The following KCNC2 variants were observed in gnomAD, a reference collection of about 807,000 sequenced individuals.
KCNC2 encodes the protein potassium voltage-gated channel subfamily C member 2, also known as voltage-gated potassium channel KCNC2.
A neutral mutation model predicts 44.5 loss-of-function variants in KCNC2; 21 were observed. That is an observed-to-expected ratio of 0.47 (90% CI 0.33 to 0.68). The LOEUF is 0.68. Among genes scored for constraint, KCNC2 ranks in the 30% least tolerant of loss-of-function variants. The probability of loss-of-function intolerance (pLI) is 0.01; values close to 1 mark genes in which losing one functional copy is unlikely to be tolerated. For missense variants in KCNC2, 589 were observed against 826.2 expected (o/e 0.71, Z 3.52); for synonymous variants, 391 against 339.1 (o/e 1.15, Z -1.68).
intron 2 of KCNC2, among the ~76,000 whole-genome samples, chr12:75,073,331 T>G (rs1883604293): frequency 1.3e-5 from 2 of 152,192 alleles, no homozygotes; most frequent in African/African-American, 4.8e-5. Flanking sequence ...TTTTGATTGT[T>G]AAGTGGGAAA....
At position 75,154,207 on chromosome 12, in the gene KCNC2, C is replaced by G. The variant is rs1363094923; in HGVS notation, c.687+53090G>C. Among the ~76,000 whole-genome samples, 4 of 152,078 alleles carry G rather than the reference C, an allele frequency of 2.6e-5. No homozygotes were observed. The East Asian group carries it at 5.8e-4, about 22-fold the overall frequency. ...AGTAGATGACCCCTAGGGGGTCCCT[C>G]CTGTCTCTGATATTTATTTATTTAG... On this transcript the variant is annotated intron_variant, in intron 2 of 4. Transcript: ENST00000549446.
chr12:75,104,913 A>C (rs961325279), intron 2 of KCNC2, among the ~76,000 whole-genome samples: 8 of 152,112 alleles, frequency 5.3e-5, no homozygotes, highest in Non-Finnish European at 1.2e-4. Context: ...TATTAGTGGC[A>C]ATTATATCAG....
At chr12:75,117,376 T>C (rs1398601214) in intron 2 of KCNC2, among the ~76,000 whole-genome samples, 1 of 152,216 alleles carries the variant, frequency 6.6e-6, no homozygotes, top group East Asian at 1.9e-4. Flanking sequence ...ACAATTTACA[T>C]AAATTTTCTA....
rs777226039 is a variant in KCNC2 at position 75,051,107 on chromosome 12, G to A, written c.898C>T (p.Arg300Cys). The change falls in exon 3 of 5, where the codon CGT becomes TGT. Residue 300 changes from arginine (R) to cysteine (C), a missense_variant. Physicochemically the swap from Arg to Cys is radical, Grantham distance 180 (BLOSUM62 -3). Coordinates refer to ENST00000549446, the MANE Select transcript of KCNC2 (RefSeq NM_139137.4). ...AGTTTATTGGGTGAAAAAACAATAC[G>A]GACTAAAAATTCAAAAGTAAACCAC... Reference protein sequence around the residue: ...VVWFTFEFLVRIVFSPNKLEF... With the variant: ...VVWFTFEFLVCIVFSPNKLEF... 4.3e-6 allele frequency: 7 copies of A among 1,612,940 alleles called. No individual in the cohort carries two copies. Among genetic ancestry groups the A allele is most frequent in the African/African-American group, 2.7e-5 (2 of 74,802 alleles).
At chr12:75,169,269 T>G (rs1010287967) in intron 2 of KCNC2, among the ~76,000 whole-genome samples, 1 of 151,518 alleles carries the variant, frequency 6.6e-6, no homozygotes, top group Non-Finnish European at 1.5e-5. Context: ...TAATGAGCAT[T>G]GAACAAAAAC....
chr12:75,184,273 T>G (rs576084614), intron 2 of KCNC2, among the ~76,000 whole-genome samples: 2 of 152,272 alleles, frequency 1.3e-5, no homozygotes, highest in East Asian at 3.9e-4. Context: ...ACAAATTAAT[T>G]TTGACAATTA....
intron 2 of KCNC2, among the ~76,000 whole-genome samples, chr12:75,090,778 T>A (rs1050959548): frequency 2.0e-5 from 3 of 146,952 alleles, no homozygotes; most frequent in African/African-American, 7.3e-5. Context: ...ATCATCATTA[T>A]CATCATCCTC....
At chr12:75,137,510 A>G (rs1592946788) in intron 2 of KCNC2, among the ~76,000 whole-genome samples, 1 of 152,228 alleles carries the variant, frequency 6.6e-6, no homozygotes, top group East Asian at 1.9e-4. Flanking sequence ...TTTTTAAAAA[A>G]CAAAATGGTT....
intron 2 of KCNC2, among the ~76,000 whole-genome samples, chr12:75,162,340 T>C (rs1293223055): frequency 6.6e-6 from 1 of 151,750 alleles, no homozygotes. Flanking sequence ...GCTTTTTAAG[T>C]GTTTCTAAAT....
At chr12:75,127,846 A>G (rs1888546037) in intron 2 of KCNC2, among the ~76,000 whole-genome samples, 1 of 152,206 alleles carries the variant, frequency 6.6e-6, no homozygotes, top group African/African-American at 2.4e-5. Flanking sequence ...AATATCTAGT[A>G]ATGTAACAGG....
chr12:75,127,143 T>C (rs1449563080), intron 2 of KCNC2, among the ~76,000 whole-genome samples: 1 of 152,180 alleles, frequency 6.6e-6, no homozygotes, highest in Admixed American at 6.5e-5. Flanking sequence ...AATAACAGAA[T>C]ACAGTCTGTA....
intron 2 of KCNC2, among the ~76,000 whole-genome samples, chr12:75,118,719 C>T (rs752802408): frequency 1.3e-5 from 2 of 152,148 alleles, no homozygotes; most frequent in Non-Finnish European, 2.9e-5. Flanking sequence ...CTTTAGAAAA[C>T]TTAATGCAGC....
chr12:75,163,524 T>A (rs1016786559), intron 2 of KCNC2, among the ~76,000 whole-genome samples: 2 of 151,760 alleles, frequency 1.3e-5, no homozygotes, highest in Admixed American at 6.6e-5. Flanking sequence ...TAAAGACTGC[T>A]AAGCACTAAA....
chr12:75,161,789 G>GA (rs1891142328), intron 2 of KCNC2, among the ~76,000 whole-genome samples: 2 of 151,490 alleles, frequency 1.3e-5, no homozygotes, highest in South Asian at 2.1e-4. Context: ...TTCTCACTAA[G>GA]AAAAAACAGC....
rs144568661 is a variant in KCNC2 at position 75,080,096 on chromosome 12, T to C, written c.688-28779A>G. On this transcript the variant is annotated intron_variant, in intron 2 of 4. Coordinates refer to ENST00000549446, the MANE Select transcript of KCNC2 (RefSeq NM_139137.4). ...TACAGAAAAATTTTATTTTTTTAAC[T>C]TCAAAATATATTGTCTTTTTTCTTC... Among the ~76,000 whole-genome samples, 4 of 152,264 alleles carry C rather than the reference T, an allele frequency of 2.6e-5. No individual in the cohort carries two copies. In the East Asian group the frequency reaches 7.7e-4, roughly 29 times the overall value.
chr12:75,180,653 T>C (rs1892512027), intron 2 of KCNC2, among the ~76,000 whole-genome samples: 1 of 151,788 alleles, frequency 6.6e-6, no homozygotes, highest in Non-Finnish European at 1.5e-5. Flanking sequence ...AAGTATTCCA[T>C]TTAGTAATAT....
intron 2 of KCNC2, among the ~76,000 whole-genome samples, chr12:75,165,522 T>C (rs1338119174): frequency 1.3e-5 from 2 of 151,450 alleles, no homozygotes; most frequent in Non-Finnish European, 3.0e-5. Flanking sequence ...TACTGATAAA[T>C]TTAGTTTCTT....
rs753790441 is a variant in KCNC2, at chr12:75,207,377, C to T, written c.607G>A (p.Gly203Ser). 3 of 1,579,058 alleles carry T rather than the reference C, an allele frequency of 1.9e-6. No individual in the cohort carries two copies. Among genetic ancestry groups the T allele is most frequent in the South Asian group, 1.2e-5 (1 of 86,868 alleles). Residue 203 changes from glycine (G) to serine (S), a missense_variant, in exon 2 of 5, where the codon GGC becomes AGC. Physicochemically the swap from Gly to Ser is moderately conservative, Grantham distance 56. Around this residue, in one of 7 missense-constraint regions of KCNC2, gnomAD observed 97 missense variants for 73.3 expected, o/e 1.32. Transcript: ENST00000549446. This position sits in a 1 kb window ranked among gnomAD's most constrained non-coding sequence, Gnocchi z 4.1. ...AGCCTCCTCCAGCGGCCAGATTTGC[C>T]GTCGGGGCCCCCGAGCCCCGCCGCG... ...EDAAGLGGPDGKSGRWRRLQP... is the reference protein window; with the variant it reads ...EDAAGLGGPDSKSGRWRRLQP...
chr12:75,148,446 G>A (rs930424299), intron 2 of KCNC2, among the ~76,000 whole-genome samples: 5 of 151,942 alleles, frequency 3.3e-5, no homozygotes, highest in Middle Eastern at 3.2e-3. Context: ...GCCCCTAGCT[G>A]TATAAATGAT....
Sources: allele counts gnomAD v4.1 joint callset (sites outside exome capture counted in the v4.1 genomes callset), GRCh38; gene constraint gnomAD v4.1.1; regional missense constraint gnomAD v4.1.1; non-coding constraint Gnocchi (gnomAD v3.1); transcripts MANE v1.5; gene names NCBI Gene and HGNC (gene_info 2026-07-23, HGNC 2026-07-21).